The following B3GALT1 variants were observed in gnomAD, a reference collection of about 807,000 sequenced individuals.
The protein encoded by B3GALT1 is beta-1,3-galactosyltransferase 1.
In B3GALT1, 10 loss-of-function variants were observed where a neutral mutation model predicts 23.2. The observed-to-expected ratio is 0.43, with a 90% CI of 0.27 to 0.73. The LOEUF (loss-of-function observed/expected upper bound fraction) is 0.73. B3GALT1 is among the 30% of genes least tolerant of loss of function. The pLI, the probability that B3GALT1 is intolerant of heterozygous loss-of-function variation, is 0.21. For missense variants in B3GALT1, 299 were observed against 405.4 expected, an observed-to-expected ratio of 0.74 and a Z score of 2.25; for synonymous variants, 156 against 141.5, an observed-to-expected ratio of 1.10 and a Z score of -0.73.
chr2:167,432,556 G>A (rs1305621008), intron 1 of B3GALT1, among the ~76,000 whole-genome samples: 1 of 152,108 alleles, frequency 6.6e-6, no homozygotes, highest in African/African-American at 2.4e-5. Flanking sequence ...CCTTTAGATT[G>A]GGTTTTAAAA....
chr2:167,644,954 T>C (rs1294529851), intron 2 of B3GALT1, among the ~76,000 whole-genome samples: 1 of 152,158 alleles, frequency 6.6e-6, no homozygotes, highest in Non-Finnish European at 1.5e-5. Context: ...AAGTGCTTAA[T>C]TGCAACTGAA....
chr2:167,719,234 GT>G (rs1371559401), intron 3 of B3GALT1, among the ~76,000 whole-genome samples: 2 of 152,098 alleles, frequency 1.3e-5, no homozygotes, highest in African/African-American at 2.4e-5. Context: ...CATTTTCTAT[GT>G]TTTTGTGTCA....
chr2:167,807,047 G>A (rs181650217), intron 3 of B3GALT1, among the ~76,000 whole-genome samples: 3 of 152,246 alleles, frequency 2.0e-5, no homozygotes, highest in South Asian at 2.1e-4. Context: ...TCTTGGGAGG[G>A]TGTATGTGTC....
chr2:167,328,367 G>A (rs985494361), intron 1 of B3GALT1, among the ~76,000 whole-genome samples: 1 of 152,100 alleles, frequency 6.6e-6, no homozygotes, highest in African/African-American at 2.4e-5. Flanking sequence ...TTTCTTTGTT[G>A]CAAGACTTTA....
intron 1 of B3GALT1, among the ~76,000 whole-genome samples, chr2:167,363,530 A>C (rs150524039): frequency 6.6e-6 from 1 of 151,688 alleles, no homozygotes; most frequent in Non-Finnish European, 1.5e-5. Context: ...ATACATTCCT[A>C]CCTCATTTTC....
chr2:167,596,698 T>G (rs1684779570), intron 2 of B3GALT1, among the ~76,000 whole-genome samples: 1 of 152,164 alleles, frequency 6.6e-6, no homozygotes, highest in South Asian at 2.1e-4. Context: ...CCTAATACCC[T>G]TAAATAATAA....
intron 3 of B3GALT1, among the ~76,000 whole-genome samples, chr2:167,663,423 G>A (rs140911458): frequency 0.41 from 61,481 of 151,454 alleles, 13,580 homozygotes; most frequent in Non-Finnish European, 0.5. Flanking sequence ...ATAAACATAC[G>A]TGTGCATGTG....
chr2:167,563,300 GC>G (rs1168701276), intron 2 of B3GALT1, among the ~76,000 whole-genome samples: 11 of 125,530 alleles, frequency 8.8e-5, no homozygotes, highest in African/African-American at 2.5e-4. Flanking sequence ...CCCAGTAGGG[GC>G]GGCCGGGCAG....
intron 2 of B3GALT1, among the ~76,000 whole-genome samples, chr2:167,572,462 A>C (rs1054018186): frequency 1.3e-4 from 19 of 151,814 alleles, no homozygotes; most frequent in Non-Finnish European, 2.2e-4. Flanking sequence ...TTCCTTTCTT[A>C]GTTTGTTGAG....
intron 1 of B3GALT1, among the ~76,000 whole-genome samples, chr2:167,388,389 G>A (rs1437693706): frequency 3.3e-5 from 5 of 152,202 alleles, no homozygotes; most frequent in South Asian, 4.2e-4. Flanking sequence ...CCAAAGCGTC[G>A]GAAGGAGAAA....
intron 1 of B3GALT1, among the ~76,000 whole-genome samples, chr2:167,367,056 G>A (rs1341160708): frequency 6.6e-6 from 1 of 152,176 alleles, no homozygotes; most frequent in Non-Finnish European, 1.5e-5. Context: ...TAAATCATAG[G>A]TGGTATGGTT....
At chr2:167,844,227 G>T (rs943244804) in intron 4 of B3GALT1, among the ~76,000 whole-genome samples, 1 of 152,182 alleles carries the variant, frequency 6.6e-6, no homozygotes, top group Non-Finnish European at 1.5e-5. Context: ...GTAAGAGGAG[G>T]CAAGGATCAT....
At chr2:167,843,208 C>CA (rs1689684700) in intron 4 of B3GALT1, among the ~76,000 whole-genome samples, 1 of 152,188 alleles carries the variant, frequency 6.6e-6, no homozygotes, top group Admixed American at 6.5e-5. Context: ...ACATTTGACA[C>CA]TTAGAGAAAG....
intron 1 of B3GALT1, among the ~76,000 whole-genome samples, chr2:167,356,098 TCTC>T (rs1478767483): frequency 6.6e-6 from 1 of 152,128 alleles, no homozygotes; most frequent in Admixed American, 6.5e-5. Flanking sequence ...ATTGGTTAAA[TCTC>T]CTCTGGCAAG....
At chr2:167,422,279 A>T (rs1004100120) in intron 1 of B3GALT1, among the ~76,000 whole-genome samples, 1 of 151,150 alleles carries the variant, frequency 6.6e-6, no homozygotes, top group Non-Finnish European at 1.5e-5. Context: ...ATATGAAGAT[A>T]TAAGAGCACA....
intron 4 of B3GALT1, among the ~76,000 whole-genome samples, chr2:167,852,275 C>T (rs937389548): frequency 6.6e-6 from 1 of 152,160 alleles, no homozygotes; most frequent in Non-Finnish European, 1.5e-5. Flanking sequence ...TTACACATTA[C>T]TGCTCTTACT....
chr2:167,348,503 A>G (rs1431967177), intron 1 of B3GALT1, among the ~76,000 whole-genome samples: 1 of 152,194 alleles, frequency 6.6e-6, no homozygotes, highest in Non-Finnish European at 1.5e-5. Context: ...GTAATTGATA[A>G]GAGTCTGAGA....
intron 2 of B3GALT1, among the ~76,000 whole-genome samples, chr2:167,632,047 C>T (rs536444195): frequency 3.3e-5 from 5 of 151,598 alleles, no homozygotes; most frequent in African/African-American, 9.7e-5. Flanking sequence ...ATGTGGTGTT[C>T]GGTTTTCTCT....
intron 1 of B3GALT1, among the ~76,000 whole-genome samples, chr2:167,412,522 AAAG>A (rs1195082654): frequency 6.6e-6 from 1 of 152,202 alleles, no homozygotes; most frequent in African/African-American, 2.4e-5. Flanking sequence ...TTCATTATAT[AAAG>A]AAGACTTGAA....
Sources: allele counts gnomAD v4.1 joint callset (sites outside exome capture counted in the v4.1 genomes callset), GRCh38; gene constraint gnomAD v4.1.1; transcripts MANE v1.5; gene names NCBI Gene and HGNC (gene_info 2026-07-23, HGNC 2026-07-21).